The following OPCML variants were observed in gnomAD, a reference collection of about 807,000 sequenced individuals.
OPCML encodes the protein opioid-binding protein/cell adhesion molecule.
Under a neutral mutation model 37.8 loss-of-function variants are expected in OPCML, and 13 were observed. The observed-to-expected ratio is 0.34, with a 90% confidence interval of 0.22 to 0.55. The LOEUF (loss-of-function observed/expected upper bound fraction) is 0.55, where lower values mean the gene tolerates loss of function less well. Among genes scored for constraint, OPCML ranks in the 20% least tolerant of loss-of-function variants. The pLI is 0.91. For missense variants in OPCML, 341 were observed against 435.6 expected, an observed-to-expected ratio of 0.78 and a Z score of 1.93; for synonymous variants, 176 against 168.8, an observed-to-expected ratio of 1.04 and a Z score of -0.33.
chr11:133,010,487 A>G (rs1283742484), intron 1 of OPCML, among the ~76,000 whole-genome samples: 5 of 152,216 alleles, frequency 3.3e-5, no homozygotes. Flanking sequence ...CACAACAAAG[A>G]AATACAGTCT....
chr11:132,432,202 T>C (rs372670692), intron 7 of OPCML, among the ~76,000 whole-genome samples: 5 of 152,174 alleles, frequency 3.3e-5, no homozygotes, highest in East Asian at 3.9e-4. Flanking sequence ...AGGATAAATA[T>C]AGTACTTACT....
intron 1 of OPCML, among the ~76,000 whole-genome samples, chr11:132,948,656 T>C (rs1038329683): frequency 6.6e-6 from 1 of 152,076 alleles, no homozygotes; most frequent in African/African-American, 2.4e-5. Flanking sequence ...TATCAAAGCA[T>C]CATAAAATAC....
chr11:132,883,462 A>T (rs1053937609), intron 2 of OPCML, among the ~76,000 whole-genome samples: 2 of 152,188 alleles, frequency 1.3e-5, no homozygotes, highest in African/African-American at 2.4e-5. Context: ...AAATTACCAT[A>T]TTCCAGGTGT....
chr11:133,519,220 T>C (rs4131674), intron 1 of OPCML, among the ~76,000 whole-genome samples: 16,460 of 152,214 alleles, frequency 0.11, 1,806 homozygotes, highest in African/African-American at 0.29. Context: ...ACTTTCTGCC[T>C]AGTTCTAACC....
chr11:132,441,483 T>A (rs1254139554), intron 4 of OPCML, among the ~76,000 whole-genome samples: 1 of 152,192 alleles, frequency 6.6e-6, no homozygotes, highest in Non-Finnish European at 1.5e-5. Flanking sequence ...AGGACTTTTT[T>A]AAAAAGGCTG....
chr11:132,960,725 G>A (rs1477746241), intron 1 of OPCML, among the ~76,000 whole-genome samples: 5 of 152,082 alleles, frequency 3.3e-5, no homozygotes, highest in African/African-American at 1.2e-4. Flanking sequence ...AAGATATCCT[G>A]CTTTCGAATC....
At chr11:133,168,081 G>T (rs547558650) in intron 1 of OPCML, among the ~76,000 whole-genome samples, 3 of 152,324 alleles carry the variant, frequency 2.0e-5, no homozygotes, top group African/African-American at 7.2e-5. Context: ...AAGTGATTCA[G>T]TGATCCAATG....
intron 1 of OPCML, among the ~76,000 whole-genome samples, chr11:133,470,389 A>T (rs750016493): frequency 5.0e-4 from 76 of 152,332 alleles, no homozygotes; most frequent in Non-Finnish European, 1.0e-3. Context: ...TCTAGGGACA[A>T]TCTCATGGTG....
At chr11:132,972,993 G>A (rs1425303962) in intron 1 of OPCML, among the ~76,000 whole-genome samples, 1 of 152,148 alleles carries the variant, frequency 6.6e-6, no homozygotes, top group African/African-American at 2.4e-5. Context: ...GCCTCACACA[G>A]CCCATACCTG....
At chr11:133,127,262 A>T (rs1462834520) in intron 1 of OPCML, among the ~76,000 whole-genome samples, 5 of 152,072 alleles carry the variant, frequency 3.3e-5, no homozygotes, top group Admixed American at 1.3e-4. Context: ...TCTCCTTTGT[A>T]TATCTGTCAA....
chr11:133,379,103 C>A (rs1359084460), intron 1 of OPCML, among the ~76,000 whole-genome samples: 3 of 152,050 alleles, frequency 2.0e-5, no homozygotes, highest in Non-Finnish European at 4.4e-5. Flanking sequence ...CCATTTAAGT[C>A]TTTGAAAAGG....
At chr11:133,056,890 C>T (rs887987166) in intron 1 of OPCML, among the ~76,000 whole-genome samples, 2 of 152,190 alleles carry the variant, frequency 1.3e-5, no homozygotes, top group African/African-American at 4.8e-5. Context: ...GTTGCCCAGG[C>T]TGGAGTGCAA....
intron 2 of OPCML, among the ~76,000 whole-genome samples, chr11:132,927,868 A>G (rs1945051185): frequency 6.6e-6 from 1 of 152,108 alleles, no homozygotes; most frequent in Non-Finnish European, 1.5e-5. Flanking sequence ...ATGTAATTTA[A>G]GTTGTTATCA....
chr11:133,318,661 G>A (rs1056935446), intron 1 of OPCML, among the ~76,000 whole-genome samples: 1 of 152,030 alleles, frequency 6.6e-6, no homozygotes, highest in African/African-American at 2.4e-5. Flanking sequence ...TTTCTTTGAC[G>A]ATATCTGCTA....
chr11:132,499,760 T>G (rs1201978886), intron 4 of OPCML, among the ~76,000 whole-genome samples: 1 of 152,336 alleles, frequency 6.6e-6, no homozygotes, highest in African/African-American at 2.4e-5. Context: ...GAATAATTAC[T>G]TTCAAGGACA....
At chr11:133,491,985 G>T (rs141606705) in intron 1 of OPCML, among the ~76,000 whole-genome samples, 1 of 152,164 alleles carries the variant, frequency 6.6e-6, no homozygotes, top group African/African-American at 2.4e-5. Context: ...CCTGGGGTAG[G>T]CAGGAGAGGA....
At chr11:132,833,843 G>C (rs1035683509) in intron 2 of OPCML, among the ~76,000 whole-genome samples, 1 of 152,176 alleles carries the variant, frequency 6.6e-6, no homozygotes, top group African/African-American at 2.4e-5. Context: ...TTAAAGGCAA[G>C]GTAATCCAGT....
chr11:132,612,439 C>A (rs1052225811), intron 3 of OPCML, among the ~76,000 whole-genome samples: 10 of 152,150 alleles, frequency 6.6e-5, no homozygotes, highest in Non-Finnish European at 2.9e-5. Context: ...TTTTCTCAAG[C>A]TTTACATGAA....
At chr11:133,439,348 C>G in intron 1 of OPCML, 1 of 984,590 alleles carries the variant, frequency 1.0e-6, no homozygotes, top group Non-Finnish European at 1.2e-6. Flanking sequence ...AACAAACAAA[C>G]CAAACTCCAC....
Sources: allele counts gnomAD v4.1 joint callset (sites outside exome capture counted in the v4.1 genomes callset), GRCh38; gene constraint gnomAD v4.1.1; transcripts MANE v1.5; gene names NCBI Gene and HGNC (gene_info 2026-07-23, HGNC 2026-07-21).